Variants in NCAM1 observed in about 807,000 individuals in gnomAD.
NCAM1 encodes neural cell adhesion molecule 1.
Under a neutral mutation model 109.8 loss-of-function variants are expected in NCAM1, and 14 were observed. That is an observed-to-expected ratio of 0.13 (90% CI 0.08 to 0.20). The LOEUF is 0.20. NCAM1 is among the 10% of genes least tolerant of loss of function. NCAM1 has a pLI of 1.00. For synonymous variants in NCAM1, 418 were observed against 442.9 expected (o/e 0.94, Z 0.70); for missense variants, 774 against 1,109.9 (o/e 0.70, Z 4.30).
At chr11:113,227,061 G>A (rs1555116366) in intron 9 of NCAM1, among the ~76,000 whole-genome samples, 1 of 147,974 alleles carries the variant, frequency 6.8e-6, no homozygotes, top group Non-Finnish European at 1.5e-5. Flanking sequence ...GCTAGCAGAA[G>A]GCAAGAAATA....
chr11:113,270,987 G>A (rs1344078603), intron 18 of NCAM1, among the ~76,000 whole-genome samples: 1 of 152,138 alleles, frequency 6.6e-6, no homozygotes. Context: ...CAGAGCTGGA[G>A]CAAGCCAGAA....
chr11:113,263,677 T>C (rs1946069069), intron 17 of NCAM1: 1 of 985,528 alleles, frequency 1.0e-6, no homozygotes. Context: ...CCAATCGGGG[T>C]GACTCCCCTG....
chr11:113,232,874 C>A, intron 12 of NCAM1, 60 bp downstream of exon 12: 1 of 1,427,538 alleles, frequency 7.0e-7, no homozygotes, highest in Non-Finnish European at 9.9e-7. Context: ...ACCCTGCCAG[C>A]CCAATTTGTG....
rs137896619 is a variant in NCAM1 at position 113,158,257 on chromosome 11, T to A, written c.53-44122T>A. Among the ~76,000 whole-genome samples the A allele has an allele frequency of 8.1e-3, 1,239 of 152,224 alleles. 18 individuals carry two copies. The highest frequency in any genetic ancestry group is 0.028 in the African/African-American group (1,179 of 41,564). ...ATTGTTAGCCACAAATACTACCAAG[T>A]TGTTTCCTTAAAATGACAGGCTTAC... On this transcript the variant is annotated intron_variant, in intron 1 of 19. Coordinates refer to ENST00000316851, the MANE Select transcript of NCAM1 (RefSeq NM_181351.5).
intron 14 of NCAM1, among the ~76,000 whole-genome samples, chr11:113,237,555 A>T (rs1464895723): frequency 4.6e-5 from 7 of 152,198 alleles, no homozygotes; most frequent in African/African-American, 1.7e-4. Flanking sequence ...GCCTGCAGCT[A>T]TGCCCTAAGC....
intron 1 of NCAM1, among the ~76,000 whole-genome samples, chr11:113,023,412 C>G (rs1221528557): frequency 6.6e-6 from 1 of 152,166 alleles, no homozygotes; most frequent in African/African-American, 2.4e-5. Flanking sequence ...ATTCAGCTGC[C>G]TACCCACAAA....
At chr11:113,005,964 A>G (rs1457432251) in intron 1 of NCAM1, among the ~76,000 whole-genome samples, 1 of 152,154 alleles carries the variant, frequency 6.6e-6, no homozygotes, top group Admixed American at 6.6e-5. Flanking sequence ...TTCTCTAAAC[A>G]TATGAACTTT....
chr11:113,050,370 T>G (rs1555081624), intron 1 of NCAM1, among the ~76,000 whole-genome samples: 1 of 152,124 alleles, frequency 6.6e-6, no homozygotes, highest in Non-Finnish European at 1.5e-5. Flanking sequence ...ATATTTAACT[T>G]CTAGTTTTTT....
rs7479848 is a variant in NCAM1 at position 113,250,972 on chromosome 11, T to A, written c.1828+4602T>A. Among the ~76,000 whole-genome samples the A allele has an allele frequency of 6.2e-3, 922 of 149,186 alleles. 5 individuals are homozygous for A. The highest frequency in any genetic ancestry group is 0.021 in the African/African-American group (857 of 40,850). The stretch of plus-strand genomic sequence containing the variant: ...GCCACCATGCCCAGATAATTTTTTT[T>A]ATTTTTTTAGTAGAGATGGGGTTTC... On this transcript the variant is annotated intron_variant, in intron 15 of 19. Transcript: ENST00000316851.
chr11:113,040,191 T>A (rs1953028137), intron 1 of NCAM1, among the ~76,000 whole-genome samples: 2 of 152,098 alleles, frequency 1.3e-5, no homozygotes, highest in Admixed American at 6.5e-5. Context: ...TGATGCGATA[T>A]CTTACCTTTT....
chr11:113,008,618 T>C (rs557406541), intron 1 of NCAM1, among the ~76,000 whole-genome samples: 1 of 152,340 alleles, frequency 6.6e-6, no homozygotes, highest in East Asian at 1.9e-4. Flanking sequence ...CTGAAGCCAT[T>C]CTTCTTGATA....
At chr11:113,192,649 A>G (rs1943719687) in intron 1 of NCAM1, among the ~76,000 whole-genome samples, 1 of 152,180 alleles carries the variant, frequency 6.6e-6, no homozygotes, top group African/African-American at 2.4e-5. Flanking sequence ...CAAAGAGGAA[A>G]CAGTTGAAGA....
intron 1 of NCAM1, among the ~76,000 whole-genome samples, chr11:113,164,132 A>C (rs568445836): frequency 6.6e-6 from 1 of 152,074 alleles, no homozygotes; most frequent in Non-Finnish European, 1.5e-5. Flanking sequence ...ACTCTGAACT[A>C]AGGGTGGAGA....
chr11:113,232,935 A>G (rs1945053332), intron 12 of NCAM1, 121 bp downstream of exon 12: 1 of 1,051,578 alleles, frequency 9.5e-7, no homozygotes, highest in Admixed American at 2.2e-5. Flanking sequence ...AGGGTCAGCA[A>G]AGCCAGAGAG....
chr11:113,136,147 G>C (rs191655119), intron 1 of NCAM1, among the ~76,000 whole-genome samples: 41 of 152,326 alleles, frequency 2.7e-4, no homozygotes, highest in Non-Finnish European at 5.1e-4. Flanking sequence ...ACGAGATCCT[G>C]TCTGTAATTT....
intron 1 of NCAM1, among the ~76,000 whole-genome samples, chr11:112,992,316 T>A (rs1555070692): frequency 6.6e-6 from 1 of 152,178 alleles, no homozygotes; most frequent in Non-Finnish European, 1.5e-5. Context: ...CACTTTTACA[T>A]CTTGTAGTTG....
chr11:112,968,505 T>G (rs930159564), intron 1 of NCAM1, among the ~76,000 whole-genome samples: 1 of 152,224 alleles, frequency 6.6e-6, no homozygotes, highest in Non-Finnish European at 1.5e-5. Context: ...CAAAACACTT[T>G]GATATGTGCT....
chr11:113,022,658 T>G (rs1021035674), intron 1 of NCAM1, among the ~76,000 whole-genome samples: 1 of 152,222 alleles, frequency 6.6e-6, no homozygotes, highest in African/African-American at 2.4e-5. Context: ...TAATGATGGC[T>G]TCAACAAGTT....
chr11:113,169,036 CTG>C (rs10562516), intron 1 of NCAM1, among the ~76,000 whole-genome samples: 2,709 of 146,758 alleles, frequency 0.018, 54 homozygotes, highest in African/African-American at 0.056. Flanking sequence ...CTTCCTCTTT[CTG>C]TGTGTGTGTG....
Sources: gnomAD v4.1 joint callset for allele counts (sites outside exome capture counted in the v4.1 genomes callset) on GRCh38, gnomAD v4.1.1 for gene constraint, MANE v1.5 for transcripts, NCBI Gene and HGNC (gene_info 2026-07-23, HGNC 2026-07-21) for gene names.